Variants in LIN28B observed in about 807,000 individuals in gnomAD.
LIN28B encodes the protein lin-28 RNA binding posttranscriptional regulator B.
LIN28B carries 5 observed loss-of-function variants against 21.9 expected under a neutral mutation model. The observed-to-expected ratio is 0.23, with a 90% CI of 0.12 to 0.48. LIN28B has a LOEUF of 0.48. Ranked by LOEUF, LIN28B falls within the 20% of genes least tolerant of loss-of-function variation. The probability of loss-of-function intolerance (pLI) is 0.98; values close to 1 mark genes in which losing one functional copy is unlikely to be tolerated. For missense variants in LIN28B, 245 were observed against 310.5 expected, an observed-to-expected ratio of 0.79 and a Z score of 1.58; for synonymous variants, 109 against 111.3, an observed-to-expected ratio of 0.98 and a Z score of 0.13.
At chr6:104,962,641 A>G (rs1562073152) in intron 2 of LIN28B, among the ~76,000 whole-genome samples, 1 of 152,206 alleles carries the variant, frequency 6.6e-6, no homozygotes, top group Non-Finnish European at 1.5e-5. Flanking sequence ...TTGATCTAAT[A>G]TAGAGTTCTT....
In LIN28B at chr6:104,965,681, C is replaced by G. The variant is rs1207572171; in HGVS notation, c.198+7395C>G. ...GGATTACAGGCATGAGCAACAGTGCCAGGCCTAGAATATTGTTTAAAGTAT... is the reference window on the plus strand; with the variant it reads ...GGATTACAGGCATGAGCAACAGTGCGAGGCCTAGAATATTGTTTAAAGTAT... On this transcript the variant is annotated intron_variant, in intron 2 of 3. Transcript: ENST00000345080. 6.6e-5 allele frequency among the ~76,000 whole-genome samples: 10 copies of G among 152,266 alleles called. 1 individual carries two copies. Among genetic ancestry groups the G allele is most frequent in the Admixed American group, 2.0e-4 (3 of 15,298 alleles).
chr6:105,024,321 A>G (rs1453098407), intron 2 of LIN28B, among the ~76,000 whole-genome samples: 1 of 152,164 alleles, frequency 6.6e-6, no homozygotes, highest in East Asian at 1.9e-4. Flanking sequence ...GCCAAAACAA[A>G]ACATATGAAC....
upstream of LIN28B, among the ~76,000 whole-genome samples, chr6:104,955,369 T>C (rs995370856): frequency 1.3e-5 from 2 of 151,390 alleles, no homozygotes; most frequent in African/African-American, 4.9e-5. Flanking sequence ...ATAAATAAAA[T>C]GAGAAAGTAG....
chr6:105,029,116 C>T (rs1771363262), intron 3 of LIN28B, among the ~76,000 whole-genome samples: 1 of 152,138 alleles, frequency 6.6e-6, no homozygotes, highest in Admixed American at 6.5e-5. Flanking sequence ...GCTGAGTGGA[C>T]TGGTGGGGGT....
chr6:105,022,470 T>C (rs1209436713), intron 2 of LIN28B, among the ~76,000 whole-genome samples: 1 of 152,100 alleles, frequency 6.6e-6, no homozygotes, highest in African/African-American at 2.4e-5. Context: ...ACAAAAAGAT[T>C]ATGTATGATC....
intron 2 of LIN28B, among the ~76,000 whole-genome samples, chr6:104,974,796 C>G (rs969043311): frequency 6.6e-6 from 1 of 151,484 alleles, no homozygotes; most frequent in African/African-American, 2.4e-5. Context: ...TGGAAAGAAT[C>G]AAGGATATTT....
chr6:104,958,325 C>T (rs747007140), intron 2 of LIN28B, 39 bp downstream of exon 2: 2 of 1,480,970 alleles, frequency 1.4e-6, no homozygotes, highest in East Asian at 4.7e-5. Flanking sequence ...CATCTTTTTC[C>T]ATGTGGAGGA....
At chr6:105,036,596 C>T (rs1416076186) in intron 3 of LIN28B, among the ~76,000 whole-genome samples, 1 of 152,042 alleles carries the variant, frequency 6.6e-6, no homozygotes, top group Non-Finnish European at 1.5e-5. Flanking sequence ...TCACCCTCTG[C>T]CAGACATTGT....
chr6:104,937,073 C>G (rs931016116), exon 2 of LIN28B: 2 of 151,876 alleles, frequency 1.3e-5, no homozygotes, highest in East Asian at 3.9e-4. Flanking sequence ...ACGTCAACCT[C>G]TGAAGAAGGT....
At chr6:104,990,841 T>C (rs1770450355) in intron 2 of LIN28B, among the ~76,000 whole-genome samples, 2 of 152,226 alleles carry the variant, frequency 1.3e-5, no homozygotes, top group African/African-American at 4.8e-5. Context: ...TAACCCTGAG[T>C]GGACACAGCA....
Position 104,993,460 on chromosome 6 carries a change from T to C in LIN28B, c.199-32838T>C, listed in dbSNP as rs116436379. 2.0e-3 allele frequency among the ~76,000 whole-genome samples: 299 copies of C among 152,100 alleles called. 1 individual carries two copies. Among genetic ancestry groups the C allele is most frequent in the African/African-American group, 6.9e-3 (285 of 41,508 alleles). ...CAGCCTTGGTGGCAGAACAAGACCC[T>C]TTCTCAAAAAAACAAAACAAAACAA... On this transcript the variant is annotated intron_variant, in intron 2 of 3. Transcript: ENST00000345080.
At chr6:105,069,489 C>A (rs528653517) in intron 3 of LIN28B, among the ~76,000 whole-genome samples, 1 of 151,892 alleles carries the variant, frequency 6.6e-6, no homozygotes, top group African/African-American at 2.4e-5. Context: ...CTTTGGAGAA[C>A]CAAGGTGGGA....
At chr6:105,023,120 A>G (rs905905481) in intron 2 of LIN28B, among the ~76,000 whole-genome samples, 8 of 140,958 alleles carry the variant, frequency 5.7e-5, no homozygotes, top group East Asian at 4.1e-4. Flanking sequence ...TTTTCCACCT[A>G]TGTAGCAGCT....
intron 2 of LIN28B, among the ~76,000 whole-genome samples, chr6:104,988,791 C>G (rs1319250706): frequency 6.6e-6 from 1 of 152,126 alleles, no homozygotes; most frequent in Non-Finnish European, 1.5e-5. Flanking sequence ...GTTGGCCAGG[C>G]TGTTCTCAAA....
rs745708757 is a variant in LIN28B at position 104,958,305 on chromosome 6, T to C, written c.198+19T>C. ...ACACCAAGTAAGCCAAACTTTTTTG[T>C]CCCCCTCTTCATCTTTTTCCATGTG... On this transcript the variant is annotated intron_variant, in intron 2 of 3. Coordinates refer to ENST00000345080, the MANE Select transcript of LIN28B (RefSeq NM_001004317.4). 9.1e-6 allele frequency: 14 copies of C among 1,538,064 alleles called. No homozygotes were observed. Among genetic ancestry groups the C allele is most frequent in the Admixed American group, 1.7e-5 (1 of 57,904 alleles).
chr6:105,076,210 TACA>T (rs1332717036), intron 3 of LIN28B, among the ~76,000 whole-genome samples: 36 of 152,324 alleles, frequency 2.4e-4, no homozygotes, highest in African/African-American at 7.0e-4. Flanking sequence ...ATAATTTAAC[TACA>T]ACATGTGATT....
chr6:104,979,328 G>A (rs1284585636), intron 2 of LIN28B, among the ~76,000 whole-genome samples: 1 of 151,672 alleles, frequency 6.6e-6, no homozygotes, highest in East Asian at 1.9e-4. Context: ...TCCTGCCTCA[G>A]CCTCCCGAGT....
At chr6:104,953,111 G>A (rs550597101), upstream of LIN28B, among the ~76,000 whole-genome samples, 4 of 152,348 alleles carry the variant, frequency 2.6e-5, no homozygotes, top group East Asian at 5.8e-4. Context: ...CCCGACGGGC[G>A]GGTCGGCGGC....
At chr6:104,941,540 G>C (rs1015778758) in intron 2 of LIN28B, 1 of 150,264 alleles carries the variant, frequency 6.7e-6, no homozygotes, top group African/African-American at 2.4e-5. Context: ...GGGTCCTCGC[G>C]GCCGGTGCCG....
Sources: allele counts gnomAD v4.1 joint callset (sites outside exome capture counted in the v4.1 genomes callset), GRCh38; gene constraint gnomAD v4.1.1; transcripts MANE v1.5; gene names NCBI Gene and HGNC (gene_info 2026-07-23, HGNC 2026-07-21).